The following RNPC3 variants were observed in gnomAD, a reference collection of about 807,000 sequenced individuals.
RNPC3 encodes the protein RNA binding region (RNP1, RRM) containing 3.
A neutral mutation model predicts 67.5 loss-of-function variants in RNPC3; 48 were observed. That is an observed-to-expected ratio of 0.71 (90% confidence interval 0.56 to 0.90). RNPC3 has a LOEUF of 0.90. Among genes scored for constraint, RNPC3 ranks in the 40% least tolerant of loss-of-function variants. RNPC3 has a pLI of 0.00. For missense variants in RNPC3, 637 were observed against 626.1 expected, an observed-to-expected ratio of 1.02 and a Z score of -0.19; for synonymous variants, 239 against 210.3, an observed-to-expected ratio of 1.14 and a Z score of -1.18.
intron 12 of RNPC3, among the ~76,000 whole-genome samples, chr1:103,548,329 A>C (rs1477709121): frequency 6.6e-6 from 1 of 152,080 alleles, no homozygotes; most frequent in Non-Finnish European, 1.5e-5. Flanking sequence ...TTTAAAACTG[A>C]ATGTCTTTAA....
At chr1:103,541,513 A>T in intron 8 of RNPC3, 38 bp downstream of exon 8, 1 of 1,460,096 alleles carries the variant, frequency 6.8e-7, no homozygotes, top group East Asian at 2.8e-5. Flanking sequence ...GGTTGTCTGT[A>T]TGTACTTTGT....
chr1:103,528,747 T>TA (rs1650773623), intron 2 of RNPC3, among the ~76,000 whole-genome samples: 2 of 152,068 alleles, frequency 1.3e-5, no homozygotes, highest in Admixed American at 6.6e-5. Flanking sequence ...TGTGAATAGA[T>TA]ATGTTTGCCC....
intron 3 of RNPC3, among the ~76,000 whole-genome samples, chr1:103,534,334 A>T (rs1030079062): frequency 6.6e-6 from 1 of 152,006 alleles, no homozygotes; most frequent in Non-Finnish European, 1.5e-5. Flanking sequence ...ACCCAGTCTT[A>T]CTGAATCAGA....
chr1:103,533,667 A>C (rs1195783375), intron 2 of RNPC3, 72 bp from the exon 3 acceptor site: 1 of 784,090 alleles, frequency 1.3e-6, no homozygotes, highest in Non-Finnish European at 2.1e-6. Flanking sequence ...AAAAAAAAGT[A>C]TAAAAATTGG....
At chr1:103,547,151 C>A in intron 12 of RNPC3, 116 bp downstream of exon 12, 1 of 626,984 alleles carries the variant, frequency 1.6e-6, no homozygotes. Flanking sequence ...TGAAAAAGTT[C>A]GTCTATTCTG....
intron 14 of RNPC3, chr1:103,553,773 A>G (rs560018878): frequency 2.6e-5 from 4 of 152,222 alleles, no homozygotes; most frequent in Non-Finnish European, 4.4e-5. Context: ...CTGGATTACT[A>G]TGTAAATTCT....
chr1:103,541,117 CTA>C (rs951694877), intron 7 of RNPC3, among the ~76,000 whole-genome samples: 7 of 152,030 alleles, frequency 4.6e-5, no homozygotes, highest in African/African-American at 7.2e-5. Flanking sequence ...GTAATTAAGT[CTA>C]TTTTTAATTT....
intron 14 of RNPC3, chr1:103,553,313 A>G (rs1462761030): frequency 6.6e-6 from 1 of 152,230 alleles, no homozygotes; most frequent in Non-Finnish European, 1.5e-5. Flanking sequence ...ACTGTCATGC[A>G]AAGTGTATCC....
chr1:103,530,662 T>C (rs770759078), intron 2 of RNPC3, among the ~76,000 whole-genome samples: 1 of 152,144 alleles, frequency 6.6e-6, no homozygotes, highest in East Asian at 1.9e-4. Context: ...GTGACCTTGG[T>C]ATTTCAAAGA....
rs771926400 is a variant in RNPC3 at position 103,526,027 on chromosome 1, T to A, written c.-44T>A. The A allele has an allele frequency of 6.9e-7, 1 of 1,448,968 alleles. No homozygotes were observed. Among genetic ancestry groups the A allele is most frequent in the East Asian group, 2.6e-5 (1 of 38,110 alleles). 89.8% of individuals were successfully genotyped at this position (1,448,968 alleles called of 1,614,324 possible). A position where few individuals can be genotyped will look rare whatever the true frequency, so the allele number is the denominator to read the frequency against. On this transcript the variant is annotated 5_prime_UTR_variant, in exon 1 of 15. Transcript: ENST00000423855. ...CTTGTGTTGATGCCGCGATTTTGAC[T>A]GAGACTTCTTCCCACGATTTCTGTT...
Position 103,535,341 on chromosome 1 carries a change from C to A in RNPC3, c.455C>A (p.Pro152His). Residue 152 changes from proline (P) to histidine (H), a missense_variant, in exon 5 of 15, where the codon CCT becomes CAT. By Grantham distance (77) the Pro-to-His change is moderately conservative (BLOSUM62 -2). This residue lies in a region of RNPC3 where 536 missense variants were observed against 500.3 expected (regional missense o/e 1.07). Transcript: ENST00000423855. ...GIAPNHGLTF[P>H]LNSCLKYMYP... ...TTTTTGTTTTATAGGCTGACTTTTC[C>A]TTTAAATTCATGCCTCAAGTATATG... 6.5e-7 allele frequency: 1 copy of A among 1,532,948 alleles called. No homozygotes were observed. The highest frequency in any genetic ancestry group is 1.2e-5 in the South Asian group (1 of 83,432). The allele number at this position is 1,532,948 out of a possible 1,614,324, so 95.0% of individuals were successfully genotyped here.
At chr1:103,526,682 A>G (rs1046524454) in intron 1 of RNPC3, among the ~76,000 whole-genome samples, 4 of 152,182 alleles carry the variant, frequency 2.6e-5, no homozygotes, top group African/African-American at 7.2e-5. Context: ...AAAATAGAGG[A>G]GAAGCTACAT....
At chr1:103,543,756 C>A (rs1651180154) in intron 9 of RNPC3, among the ~76,000 whole-genome samples, 1 of 151,570 alleles carries the variant, frequency 6.6e-6, no homozygotes, top group Non-Finnish European at 1.5e-5. Context: ...TTTCTTGTTT[C>A]ATGCCGTGGC....
At chr1:103,528,193 T>C (rs1023776202) in intron 2 of RNPC3, among the ~76,000 whole-genome samples, 1 of 152,186 alleles carries the variant, frequency 6.6e-6, no homozygotes, top group Non-Finnish European at 1.5e-5. Flanking sequence ...TTGGAAGTTA[T>C]AAGTGGAGCA....
intron 6 of RNPC3, among the ~76,000 whole-genome samples, chr1:103,536,774 G>GC (rs1553193480): frequency 6.8e-6 from 1 of 147,248 alleles, no homozygotes; most frequent in African/African-American, 2.5e-5. Flanking sequence ...TTTAGGATTT[G>GC]TTTTTTTTTT....
chr1:103,535,359 A>G lies in RNPC3; in HGVS notation c.473A>G (p.Lys158Arg), dbSNP rs1279906504. 2 of 1,535,138 alleles carry G rather than the reference A, an allele frequency of 1.3e-6. No homozygotes were observed. Among genetic ancestry groups the G allele is most frequent in the African/African-American group, 1.4e-5 (1 of 72,982 alleles). The change falls in exon 5 of 15, where the codon AAG becomes AGG. Residue 158 changes from lysine to arginine, a missense_variant. Physicochemically the swap from Lys to Arg is conservative, Grantham distance 26. Around this residue, in one of 3 missense-constraint regions of RNPC3, gnomAD observed 536 missense variants for 500.3 expected, o/e 1.07. Transcript: ENST00000423855. ...GLTFPLNSCL[K>R]YMYPPPSSTI... is the part of the protein sequence containing the mutation. ...ACTTTTCCTTTAAATTCATGCCTCA[A>G]GTATATGTACCCACCACCTTCCAGC... is the stretch of plus-strand genomic sequence containing the variant.
Position 103,525,811 on chromosome 1 carries a change from C to A in RNPC3, c.-260C>A, listed in dbSNP as rs1207082489. On this transcript the variant is annotated 5_prime_UTR_variant, in exon 1 of 15. Coordinates refer to ENST00000423855, the MANE Select transcript of RNPC3 (RefSeq NM_017619.4). ...GTGTTAACCCTCGCACATCTCTGGG[C>A]CAATTTTTGCTTGTAAGTCTTTCCG... 2.4e-5 allele frequency: 10 copies of A among 416,226 alleles called. No homozygotes were observed. Among genetic ancestry groups the A allele is most frequent in the Non-Finnish European group, 3.5e-5 (8 of 230,674 alleles). The allele number at this position is 416,226 out of a possible 1,614,324, so 25.8% of individuals were successfully genotyped here.
chr1:103,551,792 G>A lies in RNPC3; in HGVS notation c.*12G>A. On this transcript the variant is annotated splice_region_variant and 3_prime_UTR_variant, in exon 14 of 15. Coordinates refer to ENST00000423855, the MANE Select transcript of RNPC3 (RefSeq NM_017619.4). ...AAAGAAAGTGTTAAAAATTAATAAA[G>A]GTAAGTGTGAATAAAACATAATAAA... 1.4e-6 allele frequency: 2 copies of A among 1,408,708 alleles called. No homozygotes were observed. The highest frequency in any genetic ancestry group is 2.6e-5 in the East Asian group (1 of 38,938). 87.3% of individuals were successfully genotyped at this position (1,408,708 alleles called of 1,614,324 possible).
At position 103,543,246 on chromosome 1, in the gene RNPC3, C is replaced by T. The variant is rs1008532998; in HGVS notation, c.894-50C>T. ...AATAAACTTGAAATAATATTTTACT[C>T]AGGATTTTATTTGCAATTACAAACT... is the stretch of plus-strand genomic sequence containing the variant. On this transcript the variant is annotated intron_variant, in intron 8 of 14. Transcript: ENST00000423855. 7.2e-6 allele frequency: 9 copies of T among 1,255,428 alleles called. No individual in the cohort carries two copies. The African/African-American group carries it at 9.4e-5, about 13-fold the overall frequency. The allele number at this position is 1,255,428 out of a possible 1,614,324, so 77.8% of individuals were successfully genotyped here. A position where few individuals can be genotyped will look rare whatever the true frequency, so the allele number is the denominator to read the frequency against.
Sources: allele counts gnomAD v4.1 joint callset (sites outside exome capture counted in the v4.1 genomes callset), GRCh38; gene constraint gnomAD v4.1.1; regional missense constraint gnomAD v4.1.1; transcripts MANE v1.5; gene names NCBI Gene and HGNC (gene_info 2026-07-23, HGNC 2026-07-21).